Variants in SGCZ observed in about 807,000 individuals in gnomAD.
SGCZ encodes sarcoglycan zeta.
Under a neutral mutation model 41.3 loss-of-function variants are expected in SGCZ, and 40 were observed. That is an observed-to-expected ratio of 0.97 (90% CI 0.75 to 1.26). SGCZ has a LOEUF of 1.26. SGCZ is among the 50% of genes most tolerant of loss of function. The probability of loss-of-function intolerance (pLI) is 0.00; values close to 1 mark genes in which losing one functional copy is unlikely to be tolerated. For missense variants in SGCZ, 552 were observed against 369.8 expected, an observed-to-expected ratio of 1.49 and a Z score of -4.04; for synonymous variants, 206 against 137.5, an observed-to-expected ratio of 1.50 and a Z score of -3.49.
chr8:14,200,715 T>C (rs1005171728), intron 4 of SGCZ, among the ~76,000 whole-genome samples: 2 of 152,126 alleles, frequency 1.3e-5, no homozygotes, highest in Non-Finnish European at 2.9e-5. Context: ...GAGCATAGAA[T>C]AAAGTCTTTG....
chr8:14,381,940 G>A (rs539740253), intron 2 of SGCZ, among the ~76,000 whole-genome samples: 2 of 152,182 alleles, frequency 1.3e-5, no homozygotes, highest in South Asian at 4.1e-4. Context: ...TACTTCACCA[G>A]CCTTCTCAGC....
chr8:14,765,128 G>A (rs1462604438), intron 1 of SGCZ, among the ~76,000 whole-genome samples: 1 of 152,170 alleles, frequency 6.6e-6, no homozygotes, highest in Admixed American at 6.5e-5. Context: ...ACATGCTCCT[G>A]TGACAGCCAC....
chr8:14,671,835 G>C (rs1808113038), intron 1 of SGCZ, among the ~76,000 whole-genome samples: 2 of 151,984 alleles, frequency 1.3e-5, no homozygotes, highest in South Asian at 4.2e-4. Flanking sequence ...ATAGGCATTG[G>C]TGTCTTCTCT....
chr8:15,032,979 C>A (rs1803735787), intron 1 of SGCZ, among the ~76,000 whole-genome samples: 2 of 152,046 alleles, frequency 1.3e-5, no homozygotes, highest in East Asian at 2.0e-4. Flanking sequence ...TGCCCCAACT[C>A]TAAATCAGCA....
chr8:15,161,753 G>T (rs902046640), intron 1 of SGCZ, among the ~76,000 whole-genome samples: 1 of 152,192 alleles, frequency 6.6e-6, no homozygotes, highest in Non-Finnish European at 1.5e-5. Context: ...ATTAAAAAGA[G>T]GCTGGGTGCC....
intron 2 of SGCZ, among the ~76,000 whole-genome samples, chr8:14,380,827 C>T (rs532763158): frequency 2.1e-4 from 32 of 152,194 alleles, no homozygotes; most frequent in African/African-American, 7.7e-4. Context: ...CCACTGCACT[C>T]CAGCCTGGGC....
intron 1 of SGCZ, among the ~76,000 whole-genome samples, chr8:15,024,619 C>T (rs1257948055): frequency 6.6e-6 from 1 of 152,008 alleles, no homozygotes; most frequent in Non-Finnish European, 1.5e-5. Context: ...AGGTTACCCT[C>T]GTTAGCAGAA....
Position 14,279,422 on chromosome 8 carries a change from G to A in SGCZ, c.337-41743C>T, listed in dbSNP as rs150521539. On this transcript the variant is annotated intron_variant, in intron 3 of 7. Transcript: ENST00000382080. ...AATGGGACATTTTGAACTCTTTAGAGGACACTACCTTTTTTTCCCTAGATT... is the reference window on the plus strand; with the variant it reads ...AATGGGACATTTTGAACTCTTTAGAAGACACTACCTTTTTTTCCCTAGATT... Among the ~76,000 whole-genome samples the A allele has an allele frequency of 5.4e-3, 825 of 151,994 alleles. 8 individuals carry two copies. Among genetic ancestry groups the A allele is most frequent in the South Asian group, 0.019 (91 of 4,812 alleles).
At chr8:14,507,073 G>A (rs1285080674) in intron 2 of SGCZ, among the ~76,000 whole-genome samples, 1 of 150,740 alleles carries the variant, frequency 6.6e-6, no homozygotes, top group Non-Finnish European at 1.5e-5. Context: ...GCTCCACTTG[G>A]ATGTCAAATG....
At chr8:14,605,388 T>A (rs1184127725) in intron 1 of SGCZ, among the ~76,000 whole-genome samples, 1 of 152,150 alleles carries the variant, frequency 6.6e-6, no homozygotes, top group Non-Finnish European at 1.5e-5. Flanking sequence ...TCTCAAGCAT[T>A]TATCCTTTGT....
At chr8:15,059,005 C>A (rs867389752) in intron 1 of SGCZ, among the ~76,000 whole-genome samples, 17 of 152,134 alleles carry the variant, frequency 1.1e-4, no homozygotes, top group African/African-American at 3.9e-4. Context: ...CTCTCTGGGT[C>A]ACATTTTTTA....
intron 1 of SGCZ, among the ~76,000 whole-genome samples, chr8:15,146,874 A>C (rs1467001149): frequency 6.6e-6 from 1 of 152,222 alleles, no homozygotes; most frequent in Non-Finnish European, 1.5e-5. Flanking sequence ...GGTTAATAAA[A>C]TTATGTTAAT....
At chr8:15,065,466 T>C (rs1471028362) in intron 1 of SGCZ, among the ~76,000 whole-genome samples, 1 of 147,982 alleles carries the variant, frequency 6.8e-6, no homozygotes, top group Admixed American at 6.8e-5. Flanking sequence ...TTATTTTGAG[T>C]CAAGGTCTGG....
intron 1 of SGCZ, among the ~76,000 whole-genome samples, chr8:14,704,018 G>A (rs1346275588): frequency 6.6e-6 from 1 of 151,976 alleles, no homozygotes; most frequent in Non-Finnish European, 1.5e-5. Flanking sequence ...TTCTTCATGA[G>A]AAATTAGCCC....
chr8:14,172,797 G>A (rs1025612799), intron 4 of SGCZ, among the ~76,000 whole-genome samples: 5 of 152,104 alleles, frequency 3.3e-5, no homozygotes, highest in Non-Finnish European at 7.4e-5. Context: ...CAATGAAACG[G>A]AGAAAGGGAG....
intron 1 of SGCZ, among the ~76,000 whole-genome samples, chr8:15,198,687 TG>T (rs1563179666): frequency 6.6e-6 from 1 of 152,214 alleles, no homozygotes; most frequent in African/African-American, 2.4e-5. Context: ...GCTACATTAA[TG>T]GCTGTTATTT....
chr8:14,613,867 G>A (rs1191331214), intron 1 of SGCZ, among the ~76,000 whole-genome samples: 1 of 152,080 alleles, frequency 6.6e-6, no homozygotes, highest in Non-Finnish European at 1.5e-5. Flanking sequence ...GCTGTCAATT[G>A]AGGTTATCAA....
At chr8:14,816,925 T>G (rs1043636172) in intron 1 of SGCZ, among the ~76,000 whole-genome samples, 10 of 152,222 alleles carry the variant, frequency 6.6e-5, no homozygotes, top group Admixed American at 6.5e-4. Flanking sequence ...CCAAAATACA[T>G]ATATCACAAT....
At chr8:14,219,856 C>CATTTA (rs1563193245) in intron 4 of SGCZ, among the ~76,000 whole-genome samples, 1 of 151,868 alleles carries the variant, frequency 6.6e-6, no homozygotes, top group East Asian at 1.9e-4. Context: ...TCGAAAATTT[C>CATTTA]TTGTAGGGAA....
Sources: allele counts gnomAD v4.1 joint callset (sites outside exome capture counted in the v4.1 genomes callset), GRCh38; gene constraint gnomAD v4.1.1; transcripts MANE v1.5; gene names NCBI Gene and HGNC (gene_info 2026-07-23, HGNC 2026-07-21).